PTPRE: variants seen among roughly 807,000 people sequenced by gnomAD.
The protein encoded by PTPRE is receptor-type tyrosine-protein phosphatase epsilon.
Under a neutral mutation model 102.0 loss-of-function variants are expected in PTPRE, and 51 were observed. The observed-to-expected ratio is 0.50, with a 90% CI of 0.40 to 0.63. The LOEUF (loss-of-function observed/expected upper bound fraction) is 0.63. Among genes scored for constraint, PTPRE ranks in the 30% least tolerant of loss-of-function variants. The pLI, the probability that PTPRE is intolerant of heterozygous loss-of-function variation, is 0.00. For missense variants in PTPRE, 752 were observed against 915.1 expected, an observed-to-expected ratio of 0.82 and a Z score of 2.30; for synonymous variants, 345 against 348.2, an observed-to-expected ratio of 0.99 and a Z score of 0.10.
chr10:127,997,617 G>C (rs988410868), intron 2 of PTPRE, among the ~76,000 whole-genome samples: 3 of 152,200 alleles, frequency 2.0e-5, no homozygotes, highest in Non-Finnish European at 4.4e-5. Flanking sequence ...TTGTGGCTAT[G>C]TGTACTAGTT....
At chr10:127,962,187 G>A (rs1288467745) in intron 1 of PTPRE, among the ~76,000 whole-genome samples, 1 of 152,196 alleles carries the variant, frequency 6.6e-6, no homozygotes, top group Admixed American at 6.5e-5. Context: ...TGGGGGGTGA[G>A]GAAGAGGCTG....
intron 1 of PTPRE, among the ~76,000 whole-genome samples, chr10:127,979,205 G>A (rs1285288794): frequency 2.6e-5 from 4 of 152,108 alleles, no homozygotes; most frequent in South Asian, 2.1e-4. Context: ...AGAACAACAG[G>A]AAGCTTTCCC....
rs534188017 is a variant in PTPRE at position 128,008,457 on chromosome 10, A to G, written c.-8+26161A>G. On this transcript the variant is annotated intron_variant, in intron 2 of 20. Coordinates refer to ENST00000254667, the MANE Select transcript of PTPRE (RefSeq NM_006504.6). This position sits in a 1 kb window ranked among gnomAD's most constrained non-coding sequence, Gnocchi z 4.0. The stretch of plus-strand genomic sequence containing the variant: ...AGCAAAAGTTTCAGTAGCCAGGGAT[A>G]ATGTCAAACAGCCAGTCCCGGGTTT... 1.1e-4 allele frequency among the ~76,000 whole-genome samples: 16 copies of G among 152,330 alleles called. No individual in the cohort carries two copies. Among genetic ancestry groups the G allele is most frequent in the Admixed American group, 3.3e-4 (5 of 15,300 alleles).
chr10:127,915,981 G>T (rs1050168962), intron 1 of PTPRE, among the ~76,000 whole-genome samples: 1 of 150,704 alleles, frequency 6.6e-6, no homozygotes, highest in Non-Finnish European at 1.5e-5. Context: ...TGTGCTTAGC[G>T]CTGGAGTTAC....
chr10:127,953,978 G>T (rs1235215453), intron 1 of PTPRE, among the ~76,000 whole-genome samples: 1 of 152,222 alleles, frequency 6.6e-6, no homozygotes, highest in Non-Finnish European at 1.5e-5. Flanking sequence ...TGGTGACAAA[G>T]AAATTTGAGG....
At chr10:127,978,931 G>A (rs1294016009) in intron 1 of PTPRE, among the ~76,000 whole-genome samples, 1 of 152,204 alleles carries the variant, frequency 6.6e-6, no homozygotes, top group Non-Finnish European at 1.5e-5. Flanking sequence ...TGAGGCAGGA[G>A]AATCACTTGA....
intron 2 of PTPRE, among the ~76,000 whole-genome samples, chr10:128,031,888 C>T (rs1179803151): frequency 6.6e-6 from 1 of 152,170 alleles, no homozygotes; most frequent in Non-Finnish European, 1.5e-5. Flanking sequence ...CACCCCTTCT[C>T]TCTGCATTCT....
chr10:127,939,920 G>A (rs1848108367), intron 1 of PTPRE, among the ~76,000 whole-genome samples: 2 of 151,422 alleles, frequency 1.3e-5, no homozygotes, highest in Admixed American at 6.6e-5. Context: ...ATGTAGGCAG[G>A]TGGAGGCAGG....
chr10:128,026,124 C>T (rs1213267501), intron 2 of PTPRE, among the ~76,000 whole-genome samples: 5 of 152,226 alleles, frequency 3.3e-5, no homozygotes, highest in Admixed American at 2.6e-4. Context: ...CCTGACTCTG[C>T]ACGGCCCAGG....
chr10:128,066,412 G>A (rs992461618), intron 11 of PTPRE, among the ~76,000 whole-genome samples: 15 of 152,208 alleles, frequency 9.9e-5, no homozygotes, highest in African/African-American at 3.6e-4. Context: ...GCAGTGCTGG[G>A]GGCTCCTAAT....
chr10:127,910,475 C>T (rs1309161511), intron 1 of PTPRE, among the ~76,000 whole-genome samples: 4 of 152,186 alleles, frequency 2.6e-5, no homozygotes, highest in African/African-American at 9.7e-5. Context: ...CTTTGATTTC[C>T]AGTTCACTTG....
chr10:127,947,580 G>T (rs1392706856), intron 1 of PTPRE, among the ~76,000 whole-genome samples: 1 of 152,152 alleles, frequency 6.6e-6, no homozygotes, highest in Admixed American at 6.5e-5. Context: ...ATGTTTAAAA[G>T]GTATGCTTTA....
chr10:128,076,733 T>C lies in PTPRE; in HGVS notation c.1725+5T>C. The stretch of plus-strand genomic sequence containing the variant: ...TTTCTGGTCACTCTCAATCAGGTAT[T>C]GTTGAAGTAGCTCTTTAAACGCTTG... On this transcript the variant is annotated splice_donor_5th_base_variant and intron_variant, in intron 18 of 20. Transcript: ENST00000254667. The C allele has an allele frequency of 6.2e-7, 1 of 1,611,342 alleles. No individual in the cohort carries two copies. Among genetic ancestry groups the C allele is most frequent in the Non-Finnish European group, 8.5e-7 (1 of 1,179,316 alleles).
intron 1 of PTPRE, among the ~76,000 whole-genome samples, chr10:127,940,662 A>G (rs1220350403): frequency 6.6e-6 from 1 of 152,174 alleles, no homozygotes; most frequent in Non-Finnish European, 1.5e-5. Context: ...GAGACAGAGT[A>G]AAGTTCTAGG....
intron 2 of PTPRE, among the ~76,000 whole-genome samples, chr10:128,015,547 T>C (rs371077758): frequency 6.6e-6 from 1 of 152,116 alleles, no homozygotes; most frequent in Non-Finnish European, 1.5e-5. Context: ...TTTGTATTTT[T>C]AGTAGAGATG....
chr10:128,072,107 G>A (rs1434022993), intron 15 of PTPRE, 31 bp from the exon 16 acceptor site: 9 of 1,596,340 alleles, frequency 5.6e-6, no homozygotes, highest in Non-Finnish European at 5.1e-6. Flanking sequence ...GACCCTTTTT[G>A]TAATAACTAA....
intron 1 of PTPRE, among the ~76,000 whole-genome samples, chr10:127,969,583 G>T (rs1263028879): frequency 6.6e-6 from 1 of 151,174 alleles, no homozygotes; most frequent in Non-Finnish European, 1.5e-5. Flanking sequence ...CACAAGAATT[G>T]CTTGAACTTG....
At position 128,084,685 on chromosome 10, in the gene PTPRE, G is replaced by A. The variant is rs573011089; in HGVS notation, c.*1779G>A. On this transcript the variant is annotated 3_prime_UTR_variant, in exon 21 of 21. Transcript: ENST00000254667. ...TTTTGAGGCTCGCCAGGTCCCTTTT[G>A]TTTTCACCATTAAAATTCCAAACCC... 6.5e-6 allele frequency: 1 copy of A among 153,698 alleles called. No individual in the cohort carries two copies. The highest frequency in any genetic ancestry group is 2.0e-4 in the South Asian group (1 of 5,018). The allele number at this position is 153,698 out of a possible 1,614,324, so 9.5% of individuals were successfully genotyped here.
chr10:127,929,805 T>G (rs2135227944), intron 1 of PTPRE: 1 of 152,296 alleles, frequency 6.6e-6, no homozygotes, highest in East Asian at 1.9e-4. Context: ...ACCTGTAATC[T>G]TAGCACTTTG....
Sources: gnomAD v4.1 joint callset for allele counts (sites outside exome capture counted in the v4.1 genomes callset) on GRCh38, gnomAD v4.1.1 for gene constraint, Gnocchi (gnomAD v3.1) non-coding constraint, MANE v1.5 for transcripts, NCBI Gene and HGNC (gene_info 2026-07-23, HGNC 2026-07-21) for gene names.